Variants in ZSCAN10 observed in about 807,000 individuals in gnomAD.
ZSCAN10 encodes the protein zinc finger and SCAN domain containing 10.
A neutral mutation model predicts 63.7 loss-of-function variants in ZSCAN10; 52 were observed. The ratio of observed to expected loss-of-function variants is 0.82; its 90% CI spans 0.65 to 1.03. The LOEUF is 1.03. ZSCAN10 is among the 50% of genes least tolerant of loss of function. ZSCAN10 has a pLI of 0.00. For synonymous variants in ZSCAN10, 544 were observed against 479.6 expected, an observed-to-expected ratio of 1.13 and a Z score of -1.76; for missense variants, 1,223 against 1,103.8, an observed-to-expected ratio of 1.11 and a Z score of -1.53.
intron 5 of ZSCAN10, among the ~76,000 whole-genome samples, chr16:3,090,978 G>C (rs952021300): frequency 3.3e-5 from 5 of 152,124 alleles, no homozygotes; most frequent in African/African-American, 1.2e-4. Flanking sequence ...GCTGAGGCAG[G>C]AGAATCGATT....
chr16:3,096,790 G>C (rs146853718), intron 1 of ZSCAN10, among the ~76,000 whole-genome samples: 1 of 152,064 alleles, frequency 6.6e-6, no homozygotes, highest in Admixed American at 6.6e-5. Context: ...TTAGCCGGAC[G>C]TGATGGCATG....
At chr16:3,095,167 C>T (rs917319140) in intron 1 of ZSCAN10, among the ~76,000 whole-genome samples, 1 of 150,700 alleles carries the variant, frequency 6.6e-6, no homozygotes, top group African/African-American at 2.4e-5. Flanking sequence ...TCACTTGAGC[C>T]TCAGGAGTTC....
Position 3,093,010 on chromosome 16 carries a change from A to G in ZSCAN10, c.-67-6T>C. 3 of 1,372,984 alleles carry G rather than the reference A, an allele frequency of 2.2e-6. No individual in the cohort carries two copies. In the South Asian group the frequency reaches 5.4e-5, roughly 25 times the overall value. 85.1% of individuals were successfully genotyped at this position (1,372,984 alleles called of 1,614,324 possible). ...TCTCTCCTCTCCTCCCACACCTGCGAAGGTGAACACCCTGGGTTAGGATCT... is the reference window on the plus strand; with the variant it reads ...TCTCTCCTCTCCTCCCACACCTGCGGAGGTGAACACCCTGGGTTAGGATCT... On this transcript the variant is annotated splice_polypyrimidine_tract_variant and splice_region_variant and intron_variant, in intron 1 of 5. Coordinates refer to ENST00000576985, the MANE Select transcript of ZSCAN10 (RefSeq NM_032805.3).
Position 3,090,389 on chromosome 16 carries a change from A to T in ZSCAN10, c.1045T>A (p.Cys349Ser), listed in dbSNP as rs1450686740. 5.6e-6 allele frequency: 9 copies of T among 1,613,578 alleles called. No homozygotes were observed. The highest frequency in any genetic ancestry group is 7.6e-6 in the Non-Finnish European group (9 of 1,179,934). Residue 349 changes from cysteine (C) to serine (S), a missense_variant, in exon 6 of 6, where the codon TGC (cysteine) becomes AGC (serine). Transcript: ENST00000576985. ...PEPNPELQFI[C>S]ADCGVSFPQL... is the part of the protein sequence containing the mutation. ...GGGAAGCTCACCCCGCAGTCCGCGCAGATGAACTGCAACTCCGGATTGGGC... is the reference window on the plus strand; with the variant it reads ...GGGAAGCTCACCCCGCAGTCCGCGCTGATGAACTGCAACTCCGGATTGGGC...
At position 3,092,885 on chromosome 16, in the gene ZSCAN10, A is replaced by C; in HGVS notation, c.53T>G (p.Val18Gly). The C allele has an allele frequency of 6.9e-7, 1 of 1,441,428 alleles. No individual in the cohort carries two copies. Among genetic ancestry groups the C allele is most frequent in the Non-Finnish European group, 9.1e-7 (1 of 1,095,224 alleles). The allele number at this position is 1,441,428 out of a possible 1,614,324, so 89.3% of individuals were successfully genotyped here. The change falls in exon 2 of 6, where the codon GTC becomes GGC. Residue 18 changes from valine to glycine, a missense_variant. Val to Gly is a moderately radical substitution (Grantham distance 109). Transcript: ENST00000576985. ...GACAGCCTCCTCCTCCTCCAGCTTG[A>C]CTTCCCCCAGCTGCTCCTGCTCCAC... is the stretch of plus-strand genomic sequence containing the variant. ...AAVEQEQLGEVKLEEEEAVSP... is the reference protein window; with the variant it reads ...AAVEQEQLGEGKLEEEEAVSP...
chr16:3,089,859 G>C lies in ZSCAN10; in HGVS notation c.1575C>G (p.Ser525Arg). The C allele has an allele frequency of 6.5e-7, 1 of 1,542,038 alleles. No individual in the cohort carries two copies. Among genetic ancestry groups the C allele is most frequent in the South Asian group, 1.2e-5 (1 of 85,182 alleles). Residue 525 changes from serine to arginine, a missense_variant, in exon 6 of 6, where the codon AGC becomes AGG. Transcript: ENST00000576985. ...TGCGCCGGAAGGCCTTGCCGCAGTCGCTGCACACGAAGGGCCTCCGGTCGG... is the reference window on the plus strand; with the variant it reads ...TGCGCCGGAAGGCCTTGCCGCAGTCCCTGCACACGAAGGGCCTCCGGTCGG... ...RDSDRRPFVC[S>R]DCGKAFRRSE...
chr16:3,090,787 C>G (rs1288502199), intron 5 of ZSCAN10, 141 bp from the exon 6 acceptor site: 2 of 1,044,224 alleles, frequency 1.9e-6, no homozygotes, highest in Admixed American at 6.9e-5. Flanking sequence ...CAGTGGTTCA[C>G]GCCTGTAATT....
In ZSCAN10 at chr16:3,090,495, C is replaced by T. The variant is rs751987124; in HGVS notation, c.939G>A (p.Ala313=). 7 of 1,613,176 alleles carry T rather than the reference C, an allele frequency of 4.3e-6. No homozygotes were observed. Among genetic ancestry groups the T allele is most frequent in the Non-Finnish European group, 5.9e-6 (7 of 1,179,788 alleles). The change falls in exon 6 of 6, where the codon GCG becomes GCA. Residue 313 remains alanine, a synonymous_variant. Coordinates refer to ENST00000576985, the MANE Select transcript of ZSCAN10 (RefSeq NM_032805.3). ...PCAQSLGRGA[A]ASGPGEDGSL... Reference sequence around the variant, plus strand: ...ACCCATCTTCACCAGGGCCGCTAGCCGCAGCGCCCCGTCCGAGCGACTGGG... The same window carrying T: ...ACCCATCTTCACCAGGGCCGCTAGCTGCAGCGCCCCGTCCGAGCGACTGGG...
intron 5 of ZSCAN10, among the ~76,000 whole-genome samples, chr16:3,090,850 T>C (rs770095769): frequency 4.3e-5 from 6 of 139,352 alleles, no homozygotes; most frequent in Non-Finnish European, 9.0e-5. Flanking sequence ...AGGAGTGAGT[T>C]CAAGACCACC....
In ZSCAN10 at chr16:3,090,146, G is replaced by A. The variant is rs377365152; in HGVS notation, c.1288C>T (p.Pro430Ser). Residue 430 changes from proline (P) to serine (S), a missense_variant, in exon 6 of 6, where the codon CCC becomes TCC. Transcript: ENST00000576985. ...SKHLLTHSSE[P>S]AFLCAECGRG... ...CCGCACTCTGCGCACAGGAAGGCGG[G>A]TTCGGAGGAGTGGGTCAGCAGGTGC... 5 of 1,601,290 alleles carry A rather than the reference G, an allele frequency of 3.1e-6. No homozygotes were observed. Among genetic ancestry groups the A allele is most frequent in the South Asian group, 2.2e-5 (2 of 90,418 alleles).
intron 1 of ZSCAN10, among the ~76,000 whole-genome samples, chr16:3,093,553 A>C (rs1420581198): frequency 6.6e-6 from 1 of 151,664 alleles, no homozygotes; most frequent in Non-Finnish European, 1.5e-5. Flanking sequence ...ACTTTTCCCA[A>C]GTGATTAAAG....
rs372188540 is a variant in ZSCAN10, at chr16:3,092,730, C to T, written c.208G>A (p.Gly70Ser). The change falls in exon 2 of 6, where the codon GGC becomes AGC. Residue 70 changes from glycine to serine, a missense_variant. Transcript: ENST00000576985. ...ASLSRLRELC[G>S]HWLRPALHTK... ...TGCAGAGCCGGCCGCAGCCAGTGGCCGCAGAGCTCCCGGAGCCGGCTCAGG... is the reference window on the plus strand; with the variant it reads ...TGCAGAGCCGGCCGCAGCCAGTGGCTGCAGAGCTCCCGGAGCCGGCTCAGG... 54 of 1,612,986 alleles carry T rather than the reference C, an allele frequency of 3.3e-5. No individual in the cohort carries two copies. The African/African-American group carries it at 4.5e-4, about 14-fold the overall frequency.
In ZSCAN10 at chr16:3,092,122, C is replaced by T; in HGVS notation, c.591G>A (p.Trp197Ter). The stretch of plus-strand genomic sequence containing the variant: ...GCTGCTTTGAACTTGGGGGAAGCCT[C>T]CACTGTCCCGGCTCAGCAGGCTGGG... ...RAAQPAEPGQ[W>*]RLPPSSKQPL... Residue 197 changes from tryptophan (W) to a stop codon, truncating the protein, a stop_gained, in exon 3 of 6, where the codon TGG (tryptophan) becomes TGA (stop). Coordinates refer to ENST00000576985, the MANE Select transcript of ZSCAN10 (RefSeq NM_032805.3). LOFTEE classifies it high-confidence loss of function. 6.2e-7 allele frequency: 1 copy of T among 1,611,488 alleles called. No homozygotes were observed. Among genetic ancestry groups the T allele is most frequent in the Non-Finnish European group, 8.5e-7 (1 of 1,178,550 alleles).
rs763084358 is a variant in ZSCAN10 at position 3,090,524 on chromosome 16, A to C, written c.910T>G (p.Cys304Gly). ...GCGCCCCGTCCGAGCGACTGGGCGC[A>C]AGGCTCTCCCGGCACCCCAGGACTA... ...ADSPGVPGEP[C>G]AQSLGRGAAA... Residue 304 changes from cysteine to glycine, a missense_variant, in exon 6 of 6, where the codon TGC (cysteine) becomes GGC (glycine). Physicochemically the swap from Cys to Gly is radical, Grantham distance 159. Transcript: ENST00000576985. 4 of 1,612,878 alleles carry C rather than the reference A, an allele frequency of 2.5e-6. No individual in the cohort carries two copies. In the East Asian group the frequency reaches 6.7e-5, roughly 27 times the overall value.
At chr16:3,095,191 G>C (rs1957137839) in intron 1 of ZSCAN10, among the ~76,000 whole-genome samples, 1 of 150,262 alleles carries the variant, frequency 6.7e-6, no homozygotes. Flanking sequence ...ACCAGCCCTG[G>C]GCAACATGGC....
chr16:3,095,770 A>G (rs1228914326), intron 1 of ZSCAN10, among the ~76,000 whole-genome samples: 25 of 148,306 alleles, frequency 1.7e-4, no homozygotes, highest in African/African-American at 6.0e-4. Context: ...AGAGCTTGCA[A>G]TGAGCCAAGA....
chr16:3,096,372 C>T (rs998164822), intron 1 of ZSCAN10: 3 of 152,300 alleles, frequency 2.0e-5, no homozygotes, highest in African/African-American at 4.8e-5. Context: ...TCTCCTAGAG[C>T]CTCCCACCCT....
At chr16:3,094,314 C>G (rs1957128076) in intron 1 of ZSCAN10, among the ~76,000 whole-genome samples, 1 of 152,102 alleles carries the variant, frequency 6.6e-6, no homozygotes, top group South Asian at 2.1e-4. Context: ...GTGCCTAGCC[C>G]AAAAATACCT....
chr16:3,092,448 G>A, intron 2 of ZSCAN10, 94 bp downstream of exon 2: 1 of 1,477,494 alleles, frequency 6.8e-7, no homozygotes, highest in Non-Finnish European at 9.0e-7. Context: ...GGAATGGTCA[G>A]GTGGGGGAAA....
Sources: allele counts gnomAD v4.1 joint callset (sites outside exome capture counted in the v4.1 genomes callset), GRCh38; gene constraint gnomAD v4.1.1; transcripts MANE v1.5; gene names NCBI Gene and HGNC (gene_info 2026-07-23, HGNC 2026-07-21).